Variants in MSH3 observed in about 807,000 individuals in gnomAD.
MSH3 encodes the protein DNA mismatch repair protein Msh3.
Under a neutral mutation model 123.3 loss-of-function variants are expected in MSH3, and 106 were observed. The ratio of observed to expected loss-of-function variants is 0.86; its 90% CI spans 0.73 to 1.01. The LOEUF is 1.01. MSH3 is among the 50% of genes least tolerant of loss of function. The pLI is 0.00. For missense variants in MSH3, 1,459 were observed against 1,347.6 expected, an observed-to-expected ratio of 1.08 and a Z score of -1.29; for synonymous variants, 515 against 481.4, an observed-to-expected ratio of 1.07 and a Z score of -0.91.
At chr5:80,765,448 A>G (rs543696712) in intron 13 of MSH3, among the ~76,000 whole-genome samples, 2 of 152,230 alleles carry the variant, frequency 1.3e-5, no homozygotes, top group African/African-American at 4.8e-5. Flanking sequence ...AGAATTCAAC[A>G]TTTGCTCAGT....
At chr5:80,816,593 T>A (rs1444604916) in intron 20 of MSH3, among the ~76,000 whole-genome samples, 1 of 152,174 alleles carries the variant, frequency 6.6e-6, no homozygotes, top group Non-Finnish European at 1.5e-5. Flanking sequence ...CTGTAAAGAA[T>A]GTCTGGAGAA....
intron 17 of MSH3, 105 bp downstream of exon 17, chr5:80,778,941 C>T (rs563681586): frequency 1.4e-6 from 1 of 730,886 alleles, no homozygotes; most frequent in Admixed American, 2.1e-5. Context: ...CATGACCCAC[C>T]ATAAAATAGT....
intron 23 of MSH3, among the ~76,000 whole-genome samples, chr5:80,874,281 C>T (rs532756149): frequency 1.3e-5 from 2 of 152,200 alleles, no homozygotes; most frequent in African/African-American, 4.8e-5. Flanking sequence ...CTTTCTCTAC[C>T]TCCTTCTCCT....
rs368729300 is a variant in MSH3, at chr5:80,761,622, C to G, written c.1840C>G (p.His614Asp). ...TAGTGTGTTTGGTCAGATAGAAAAT[C>G]ATCTACGTAAATTGCCCGACATAGA... The part of the protein sequence containing the change: ...ESSVFGQIEN[H>D]LRKLPDIERG... The change falls in exon 13 of 24, where the codon CAT becomes GAT. Residue 614 changes from histidine (H) to aspartate (D), a missense_variant. His to Asp is a moderately conservative substitution (Grantham distance 81, BLOSUM62 -1). Coordinates refer to ENST00000265081, the MANE Select transcript of MSH3 (RefSeq NM_002439.5). The G allele has an allele frequency of 3.1e-6, 5 of 1,613,920 alleles. No homozygotes were observed. Among genetic ancestry groups the G allele is most frequent in the Non-Finnish European group, 4.2e-6 (5 of 1,179,960 alleles).
In MSH3 at chr5:80,709,477, C is replaced by T. The variant is rs577251455; in HGVS notation, c.1341-15976C>T. Among the ~76,000 whole-genome samples the T allele has an allele frequency of 3.3e-5, 5 of 152,092 alleles. No homozygotes were observed. In the South Asian group the frequency reaches 1.0e-3, roughly 32 times the overall value. On this transcript the variant is annotated intron_variant, in intron 8 of 23. Transcript: ENST00000265081. Reference sequence around the variant, plus strand: ...CTCTACTAAAAATACAAAAAATTAGCCTAGCGCAGTGGCGGGTGCCTGTAG... The same window carrying T: ...CTCTACTAAAAATACAAAAAATTAGTCTAGCGCAGTGGCGGGTGCCTGTAG...
chr5:80,675,037 C>T lies in MSH3; in HGVS notation c.1082C>T (p.Thr361Ile), dbSNP rs2112815982. Residue 361 changes from threonine to isoleucine, a missense_variant, in exon 7 of 24, where the codon ACT becomes ATT. Coordinates refer to ENST00000265081, the MANE Select transcript of MSH3 (RefSeq NM_002439.5). ...GCTGTAAATGTTGATGAGATAATGA[C>T]TGATACTTCTACCAGCTATCTTCTG... ...DDAVNVDEIM[T>I]DTSTSYLLCI... is the part of the protein sequence containing the mutation. The T allele has an allele frequency of 6.2e-7, 1 of 1,613,026 alleles. No individual in the cohort carries two copies. The highest frequency in any genetic ancestry group is 8.5e-7 in the Non-Finnish European group (1 of 1,179,188).
At position 80,654,940 on chromosome 5, in the gene MSH3, C is replaced by T. The variant is rs1260687596; in HGVS notation, c.213C>T (p.Phe71=). The change falls in exon 1 of 24, where the codon TTC becomes TTT. Residue 71 remains phenylalanine (F), a synonymous_variant. Coordinates refer to ENST00000265081, the MANE Select transcript of MSH3 (RefSeq NM_002439.5). ...AAPPAPPAPA[F]PPQLPPHIAT... ...CCCCAGCGCCCCCAGCTCCCGCCTT[C>T]CCGCCCCAGCTGCCGCCGCACATAG... is the stretch of plus-strand genomic sequence containing the variant. 3 of 1,473,242 alleles carry T rather than the reference C, an allele frequency of 2.0e-6. No homozygotes were observed. The highest frequency in any genetic ancestry group is 2.7e-6 in the Non-Finnish European group (3 of 1,115,906). 91.3% of individuals were successfully genotyped at this position (1,473,242 alleles called of 1,614,324 possible). A position where few individuals can be genotyped will look rare whatever the true frequency, so the allele number is the denominator to read the frequency against.
chr5:80,729,091 T>A (rs1325415867), intron 10 of MSH3, 126 bp downstream of exon 10: 1 of 658,290 alleles, frequency 1.5e-6, no homozygotes, highest in Non-Finnish European at 2.7e-6. Context: ...GGTGCAAGGA[T>A]GAGCTGTTTG....
chr5:80,724,626 G>A (rs1446323223), intron 8 of MSH3, among the ~76,000 whole-genome samples: 1 of 152,100 alleles, frequency 6.6e-6, no homozygotes, highest in Non-Finnish European at 1.5e-5. Flanking sequence ...ATTTTTAGGA[G>A]GACTGTAGAA....
chr5:80,831,145 G>A (rs1378668929), intron 20 of MSH3, among the ~76,000 whole-genome samples: 1 of 152,142 alleles, frequency 6.6e-6, no homozygotes, highest in African/African-American at 2.4e-5. Context: ...GGGATTGTCT[G>A]TAATTTTACT....
chr5:80,832,102 T>G (rs554565527), intron 20 of MSH3, among the ~76,000 whole-genome samples: 8 of 147,570 alleles, frequency 5.4e-5, no homozygotes, highest in African/African-American at 2.0e-4. Context: ...AAGGCGAGAC[T>G]CCTTCTCAAA....
chr5:80,743,317 C>A (rs1486827992), intron 11 of MSH3, among the ~76,000 whole-genome samples: 1 of 152,136 alleles, frequency 6.6e-6, no homozygotes, highest in Non-Finnish European at 1.5e-5. Flanking sequence ...CTCAGAGGAA[C>A]CTTTGTGACC....
intron 8 of MSH3, among the ~76,000 whole-genome samples, chr5:80,694,560 C>T (rs1750426768): frequency 6.6e-6 from 1 of 151,956 alleles, no homozygotes; most frequent in South Asian, 2.1e-4. Flanking sequence ...CTATTGCTTA[C>T]CTTGCTGTTT....
At chr5:80,681,914 G>A (rs1245834963) in intron 8 of MSH3, among the ~76,000 whole-genome samples, 1 of 152,128 alleles carries the variant, frequency 6.6e-6, no homozygotes, top group Non-Finnish European at 1.5e-5. Context: ...GGTGTCTTAT[G>A]TGGGTTTTAC....
chr5:80,724,052 C>T (rs1017401926), intron 8 of MSH3, among the ~76,000 whole-genome samples: 3 of 152,144 alleles, frequency 2.0e-5, no homozygotes, highest in Admixed American at 1.3e-4. Context: ...CCACCGTGCC[C>T]GGCCAGCGTT....
intron 8 of MSH3, among the ~76,000 whole-genome samples, chr5:80,693,864 T>G (rs1240560658): frequency 5.3e-5 from 8 of 152,120 alleles, no homozygotes; most frequent in Non-Finnish European, 1.2e-4. Flanking sequence ...TTCACCATAG[T>G]GTCCAGGCTG....
At chr5:80,725,356 C>A in intron 8 of MSH3, 97 bp from the exon 9 acceptor site, 1 of 814,370 alleles carries the variant, frequency 1.2e-6, no homozygotes, top group Non-Finnish European at 2.1e-6. Context: ...AGGAATAAAT[C>A]TTTATCTTTT....
At chr5:80,660,305 G>C (rs888127149) in intron 2 of MSH3, among the ~76,000 whole-genome samples, 1 of 151,964 alleles carries the variant, frequency 6.6e-6, no homozygotes, top group African/African-American at 2.4e-5. Flanking sequence ...AAGAAGGAAA[G>C]GTGGGAACCC....
intron 8 of MSH3, among the ~76,000 whole-genome samples, chr5:80,708,315 A>C (rs1221538600): frequency 6.6e-6 from 1 of 152,136 alleles, no homozygotes; most frequent in African/African-American, 2.4e-5. Flanking sequence ...TTGGGGCATC[A>C]TGATATGAGG....
Sources: gnomAD v4.1 joint callset for allele counts (sites outside exome capture counted in the v4.1 genomes callset) on GRCh38, gnomAD v4.1.1 for gene constraint, MANE v1.5 for transcripts, NCBI Gene and HGNC (gene_info 2026-07-23, HGNC 2026-07-21) for gene names.